The following SLC7A1 variants were observed in gnomAD, a reference collection of about 807,000 sequenced individuals.
SLC7A1 encodes the protein high affinity cationic amino acid transporter 1.
SLC7A1 carries 10 observed loss-of-function variants against 53.9 expected under a neutral mutation model. The ratio of observed to expected loss-of-function variants is 0.19; its 90% CI spans 0.11 to 0.31. The LOEUF is 0.31. Among genes scored for constraint, SLC7A1 ranks in the 10% least tolerant of loss-of-function variants. The pLI is 1.00. For missense variants in SLC7A1, 525 were observed against 827.2 expected (o/e 0.63, Z 4.48); for synonymous variants, 342 against 338.7 (o/e 1.01, Z -0.11).
intron 1 of SLC7A1, among the ~76,000 whole-genome samples, chr13:29,589,217 G>A (rs147286758): frequency 4.3e-4 from 66 of 152,352 alleles, no homozygotes; most frequent in African/African-American, 1.4e-3. Flanking sequence ...GGATGACAGC[G>A]GCCACTGGCC....
chr13:29,530,954 T>C (rs528480786), intron 4 of SLC7A1, among the ~76,000 whole-genome samples: 3 of 152,182 alleles, frequency 2.0e-5, no homozygotes, highest in South Asian at 2.1e-4. Context: ...CCAGATACCC[T>C]TGGGAACTGA....
At chr13:29,553,713 A>C (rs1235155532) in intron 2 of SLC7A1, 48 bp downstream of exon 2, 4 of 152,232 alleles carry the variant, frequency 2.6e-5, no homozygotes, top group Non-Finnish European at 5.9e-5. Context: ...TTCTAGTACA[A>C]AACAGAATAA....
At chr13:29,533,745 GCTGT>G (rs1441973630) in intron 3 of SLC7A1, among the ~76,000 whole-genome samples, 1 of 152,216 alleles carries the variant, frequency 6.6e-6, no homozygotes, top group African/African-American at 2.4e-5. Flanking sequence ...ATAGTTGGCT[GCTGT>G]CTTTCACTCT....
rs761908044 is a variant in SLC7A1, at chr13:29,517,678, A to G, written c.1405T>C (p.Leu469=). The G allele has an allele frequency of 1.1e-5, 17 of 1,614,108 alleles. No homozygotes were observed. Among genetic ancestry groups the G allele is most frequent in the African/African-American group, 1.3e-5 (1 of 74,942 alleles). Residue 469 remains leucine (L), a synonymous_variant, in exon 10 of 13, where the codon TTA becomes CTA. Coordinates refer to ENST00000380752, the MANE Select transcript of SLC7A1 (RefSeq NM_003045.5). ...AAAGAGAACATCTCTGCCTCTGGTA[A>G]AAAGCCCAGCTGGGAATCATTGGTG... ...ASTNDSQLGF[L]PEAEMFSLKT...
chr13:29,524,233 G>A lies in SLC7A1; in HGVS notation c.725C>T (p.Pro242Leu), dbSNP rs1159993049. Residue 242 changes from proline (P) to leucine (L), a missense_variant, in exon 6 of 13, where the codon CCC (proline) becomes CTC (leucine). Physicochemically the swap from Pro to Leu is moderately conservative, Grantham distance 98. This residue lies in a region of SLC7A1 where 354 missense variants were observed against 587.5 expected (regional missense o/e 0.60). Transcript: ENST00000380752. Reference protein sequence around the residue: ...CLNNDTKEGKPGVGGFMPFGF... With the variant: ...CLNNDTKEGKLGVGGFMPFGF... ...GAAGGGCATGAATCCACCAACACCG[G>A]GCTTCCCTTCTTTTGTGTCACTAGA... 6.2e-7 allele frequency: 1 copy of A among 1,613,982 alleles called. No homozygotes were observed. The highest frequency in any genetic ancestry group is 1.3e-5 in the African/African-American group (1 of 74,910).
At chr13:29,565,169 T>C (rs1870915863) in intron 1 of SLC7A1, among the ~76,000 whole-genome samples, 1 of 152,250 alleles carries the variant, frequency 6.6e-6, no homozygotes, top group Admixed American at 6.5e-5. Context: ...TGAATTAGGA[T>C]ATTGATGTTT....
chr13:29,535,390 T>C (rs959379561), intron 3 of SLC7A1, among the ~76,000 whole-genome samples: 3 of 152,206 alleles, frequency 2.0e-5, no homozygotes, highest in Non-Finnish European at 4.4e-5. Context: ...TTCACAAAAA[T>C]GTTAACCATA....
chr13:29,582,586 T>C (rs1871694864), intron 1 of SLC7A1, among the ~76,000 whole-genome samples: 1 of 152,240 alleles, frequency 6.6e-6, no homozygotes. Context: ...CAGGTCTCCC[T>C]GCAGTTGTTC....
At chr13:29,562,432 A>G (rs372684432) in intron 1 of SLC7A1, among the ~76,000 whole-genome samples, 3 of 152,336 alleles carry the variant, frequency 2.0e-5, no homozygotes, top group East Asian at 3.9e-4. Flanking sequence ...CACCAACATG[A>G]TGCTCAAAGG....
intron 2 of SLC7A1, among the ~76,000 whole-genome samples, chr13:29,552,320 A>G (rs1310531056): frequency 1.3e-5 from 2 of 152,162 alleles, no homozygotes; most frequent in African/African-American, 4.8e-5. Flanking sequence ...TAAAATATCA[A>G]TGATAATGAT....
chr13:29,519,608 G>T, intron 8 of SLC7A1, 59 bp from the exon 9 acceptor site: 1 of 1,060,212 alleles, frequency 9.4e-7, no homozygotes, highest in South Asian at 1.4e-5. Flanking sequence ...TGACAACCAG[G>T]ACCACCACTG....
At position 29,511,977 on chromosome 13, in the gene SLC7A1, T is replaced by G. The variant is rs2139057261; in HGVS notation, c.*2503A>C. 6.6e-6 allele frequency: 1 copy of G among 152,302 alleles called. No individual in the cohort carries two copies. Among genetic ancestry groups the G allele is most frequent in the South Asian group, 2.1e-4 (1 of 4,822 alleles). The allele number at this position is 152,302 out of a possible 1,614,324, so 9.4% of individuals were successfully genotyped here. A position where few individuals can be genotyped will look rare whatever the true frequency, so the allele number is the denominator to read the frequency against. On this transcript the variant is annotated 3_prime_UTR_variant, in exon 13 of 13. Transcript: ENST00000380752. ...AGAGATGTGAAACTATCATTTTTTT[T>G]TTGCTTGTGTGTATTTTTATTTCAG...
intron 11 of SLC7A1, 125 bp from the exon 12 acceptor site, chr13:29,516,371 G>C (rs1268686266): frequency 7.7e-6 from 5 of 646,866 alleles, no homozygotes; most frequent in Admixed American, 4.8e-5. Context: ...GTGGGGAAGA[G>C]AGAGGGAGTG....
At chr13:29,538,852 A>C (rs1461585810) in intron 2 of SLC7A1, among the ~76,000 whole-genome samples, 1 of 152,140 alleles carries the variant, frequency 6.6e-6, no homozygotes, top group African/African-American at 2.4e-5. Flanking sequence ...GCAGGGAGGG[A>C]GTCGTTTAAG....
At chr13:29,580,585 A>G (rs1438421207) in intron 1 of SLC7A1, among the ~76,000 whole-genome samples, 1 of 152,130 alleles carries the variant, frequency 6.6e-6, no homozygotes, top group Non-Finnish European at 1.5e-5. Context: ...TGCTTCACTA[A>G]ACAATCAAGA....
At chr13:29,569,353 C>G (rs1295132461) in intron 1 of SLC7A1, among the ~76,000 whole-genome samples, 1 of 152,154 alleles carries the variant, frequency 6.6e-6, no homozygotes, top group Non-Finnish European at 1.5e-5. Flanking sequence ...CTCACTACTC[C>G]AGGCTGTGAA....
rs1883336360 is a variant in SLC7A1, at chr13:29,509,593, C to T, written c.*4887G>A. 1 of 152,398 alleles carries T rather than the reference C, an allele frequency of 6.6e-6. No homozygotes were observed. The highest frequency in any genetic ancestry group is 6.6e-5 in the Admixed American group (1 of 15,230). The allele number at this position is 152,398 out of a possible 1,614,324, so 9.4% of individuals were successfully genotyped here. On this transcript the variant is annotated 3_prime_UTR_variant, in exon 13 of 13. Transcript: ENST00000380752. Reference sequence around the variant, plus strand: ...GGTGGTGGACGACAACTACACTTGTCCTTAAAGTAAAATAAAAGCAGGAGA... The same window carrying T: ...GGTGGTGGACGACAACTACACTTGTTCTTAAAGTAAAATAAAAGCAGGAGA...
In SLC7A1 at chr13:29,512,627, TAA is replaced by T. The variant is rs1231838376; in HGVS notation, c.*1851_*1852del. The stretch of plus-strand genomic sequence containing the variant: ...AGAGACAACCAAAACCCCAACAAAA[TAA>T]GTTAGTATTTATCAAAATATGTTAC... On this transcript the variant is annotated 3_prime_UTR_variant, in exon 13 of 13. Transcript: ENST00000380752. 6.6e-6 allele frequency: 1 copy of T among 151,978 alleles called. No individual in the cohort carries two copies. The highest frequency in any genetic ancestry group is 1.5e-5 in the Non-Finnish European group (1 of 67,990). 9.4% of individuals were successfully genotyped at this position (151,978 alleles called of 1,614,324 possible). A position where few individuals can be genotyped will look rare whatever the true frequency, so the allele number is the denominator to read the frequency against.
chr13:29,516,349 C>G, intron 11 of SLC7A1, 103 bp from the exon 12 acceptor site: 2 of 742,562 alleles, frequency 2.7e-6, no homozygotes, highest in Non-Finnish European at 4.6e-6. Context: ...TGACAGGGAC[C>G]GTCGGGCGAG....
Sources: allele counts gnomAD v4.1 joint callset (sites outside exome capture counted in the v4.1 genomes callset), GRCh38; gene constraint gnomAD v4.1.1; regional missense constraint gnomAD v4.1.1; transcripts MANE v1.5; gene names NCBI Gene and HGNC (gene_info 2026-07-23, HGNC 2026-07-21).